USP13: variants seen among roughly 807,000 people sequenced by gnomAD.
USP13 encodes the protein ubiquitin specific peptidase 13.
Under a neutral mutation model 107.8 loss-of-function variants are expected in USP13, and 68 were observed. The observed-to-expected ratio is 0.63, with a 90% CI of 0.52 to 0.77. The LOEUF is 0.77. Ranked by LOEUF, USP13 falls within the 30% of genes least tolerant of loss-of-function variation. The pLI, the probability that USP13 is intolerant of heterozygous loss-of-function variation, is 0.00. For synonymous variants in USP13, 377 were observed against 389.5 expected (o/e 0.97, Z 0.38); for missense variants, 945 against 1,093.3 (o/e 0.86, Z 1.91).
In USP13 at chr3:179,657,418, A is replaced by G. The variant is rs540322198; in HGVS notation, c.168+4025A>G. Among the ~76,000 whole-genome samples the G allele has an allele frequency of 9.2e-5, 14 of 151,998 alleles. No individual in the cohort carries two copies. In the South Asian group the frequency reaches 1.7e-3, roughly 18 times the overall value. On this transcript the variant is annotated intron_variant, in intron 1 of 20. Coordinates refer to ENST00000263966, the MANE Select transcript of USP13 (RefSeq NM_003940.3). Reference sequence around the variant, plus strand: ...CAAAAAAATAAAATAAAATAAAAAAATTAAAAAGGAGGAAATAGAGAAGAA... The same window carrying G: ...CAAAAAAATAAAATAAAATAAAAAAGTTAAAAAGGAGGAAATAGAGAAGAA...
intron 10 of USP13, among the ~76,000 whole-genome samples, chr3:179,739,252 C>T (rs75614536): frequency 3.3e-5 from 5 of 152,188 alleles, no homozygotes; most frequent in Non-Finnish European, 5.9e-5. Flanking sequence ...TGGTCCCCCA[C>T]GAAATCCAGC....
intron 6 of USP13, among the ~76,000 whole-genome samples, chr3:179,711,642 C>T (rs556208483): frequency 2.0e-5 from 3 of 152,216 alleles, no homozygotes; most frequent in African/African-American, 4.8e-5. Context: ...TCAGGATCAT[C>T]GGTATCACTG....
chr3:179,688,234 C>CATCCATCCATCCATCCATCCATCT lies in USP13; in HGVS notation c.295-2002_295-2001insTCCATCCATCCATCCATCTATCCA, dbSNP rs780480797. Among the ~76,000 whole-genome samples, 207 of 145,970 alleles carry CATCCATCCATCCATCCATCCATCT rather than the reference C, an allele frequency of 1.4e-3. 3 individuals are homozygous for CATCCATCCATCCATCCATCCATCT. The highest frequency in any genetic ancestry group is 6.9e-3 in the Middle Eastern group (2 of 288). On this transcript the variant is annotated intron_variant, in intron 2 of 20. Transcript: ENST00000263966. ...CCATCCATCCATCCATCCATCCATC[C>CATCCATCCATCCATCCATCCATCT]ATCCAACAAATATTTACTCAGTAGC...
At chr3:179,730,575 C>A (rs1303833137) in intron 9 of USP13, 41 bp from the exon 10 acceptor site, 1 of 1,537,514 alleles carries the variant, frequency 6.5e-7, no homozygotes, top group Admixed American at 1.8e-5. Context: ...TATGGAAAAA[C>A]AACAATGACC....
chr3:179,703,688 G>A (rs1488654075), intron 4 of USP13, among the ~76,000 whole-genome samples: 14 of 152,162 alleles, frequency 9.2e-5, no homozygotes, highest in Admixed American at 7.2e-4. Context: ...TGACGTCACT[G>A]AATGCGGTGT....
chr3:179,773,279 A>G (rs1249407927), intron 19 of USP13, among the ~76,000 whole-genome samples: 1 of 152,202 alleles, frequency 6.6e-6, no homozygotes, highest in Non-Finnish European at 1.5e-5. Context: ...GAGATAGGCA[A>G]TGACACAAAT....
chr3:179,659,448 TG>T (rs913651745), intron 1 of USP13, among the ~76,000 whole-genome samples: 1 of 152,128 alleles, frequency 6.6e-6, no homozygotes, highest in African/African-American at 2.4e-5. Flanking sequence ...TCAGAAGATC[TG>T]GGGGTGGGGG....
At chr3:179,717,171 C>T (rs565300359) in intron 6 of USP13, among the ~76,000 whole-genome samples, 25 of 152,284 alleles carry the variant, frequency 1.6e-4, no homozygotes, top group African/African-American at 6.0e-4. Flanking sequence ...GCACTAAGAC[C>T]TGACTTTGCT....
chr3:179,696,898 A>T (rs1300656335), intron 3 of USP13, among the ~76,000 whole-genome samples: 5 of 152,166 alleles, frequency 3.3e-5, no homozygotes, highest in Admixed American at 2.0e-4. Flanking sequence ...ATATATATAT[A>T]TTTTACAATA....
At chr3:179,668,091 C>T (rs1576911254) in intron 1 of USP13, among the ~76,000 whole-genome samples, 1 of 152,178 alleles carries the variant, frequency 6.6e-6, no homozygotes, top group African/African-American at 2.4e-5. Context: ...CGTAGGAGTC[C>T]TCTGCAGAAA....
At chr3:179,747,355 T>G (rs948372489) in intron 13 of USP13, among the ~76,000 whole-genome samples, 19 of 152,278 alleles carry the variant, frequency 1.2e-4, no homozygotes, top group African/African-American at 4.6e-4. Flanking sequence ...TCTTTGTGCT[T>G]TTGTTGTGAT....
At chr3:179,683,537 C>T (rs1025751192) in intron 2 of USP13, among the ~76,000 whole-genome samples, 1 of 152,158 alleles carries the variant, frequency 6.6e-6, no homozygotes, top group Non-Finnish European at 1.5e-5. Flanking sequence ...TCACATCTTA[C>T]GTGGATGGTA....
chr3:179,721,112 C>T lies in USP13; in HGVS notation c.901-290C>T, dbSNP rs924486954. ...GTGTGAACCGCTGCGCCCGGCCTCTCTTTAAAATCTTTTTCATGTGTGTTT... is the reference window on the plus strand; with the variant it reads ...GTGTGAACCGCTGCGCCCGGCCTCTTTTTAAAATCTTTTTCATGTGTGTTT... On this transcript the variant is annotated intron_variant, in intron 7 of 20. Coordinates refer to ENST00000263966, the MANE Select transcript of USP13 (RefSeq NM_003940.3). The surrounding 1 kb of genome is among the most constrained non-coding windows in gnomAD (Gnocchi z 4.3). 6.5e-4 allele frequency among the ~76,000 whole-genome samples: 99 copies of T among 152,126 alleles called. No homozygotes were observed. Among genetic ancestry groups the T allele is most frequent in the African/African-American group, 2.3e-3 (95 of 41,524 alleles).
intron 3 of USP13, 130 bp from the exon 4 acceptor site, chr3:179,700,878 G>C (rs1576935286): frequency 2.6e-6 from 3 of 1,149,126 alleles, no homozygotes; most frequent in Admixed American, 2.8e-5. Context: ...TGTCAGAGGA[G>C]AAAGTTGTAA....
At chr3:179,655,546 A>G (rs1318953604) in intron 1 of USP13, among the ~76,000 whole-genome samples, 2 of 115,060 alleles carry the variant, frequency 1.7e-5, no homozygotes, top group Non-Finnish European at 3.4e-5. Flanking sequence ...GATAATGGGA[A>G]GGTTTTTTTT....
rs1576899241 is a variant in USP13 at position 179,653,246 on chromosome 3, G to C, written c.21G>C (p.Leu7=). Residue 7 remains leucine, a synonymous_variant, in exon 1 of 21, where the codon CTG becomes CTC. Transcript: ENST00000263966. The surrounding 1 kb of genome is among the most constrained non-coding windows in gnomAD (Gnocchi z 4.0). MQRRGA[L]FGMPGGSGGR... ...AGGCCATGCAGCGCCGGGGCGCCCT[G>C]TTCGGCATGCCGGGCGGCAGCGGAG... 6.4e-7 allele frequency: 1 copy of C among 1,554,068 alleles called. No individual in the cohort carries two copies. Among genetic ancestry groups the C allele is most frequent in the South Asian group, 1.2e-5 (1 of 84,332 alleles).
intron 1 of USP13, among the ~76,000 whole-genome samples, chr3:179,663,359 C>T (rs1720506615): frequency 1.3e-5 from 2 of 152,222 alleles, no homozygotes; most frequent in Admixed American, 1.3e-4. Flanking sequence ...TGTGTATATA[C>T]CGCATCTTGT....
intron 8 of USP13, among the ~76,000 whole-genome samples, chr3:179,727,517 A>G (rs1331108823): frequency 1.7e-5 from 2 of 116,508 alleles, no homozygotes; most frequent in African/African-American, 3.0e-5. Flanking sequence ...CCAAGGCAGA[A>G]GAATTTTTCT....
At chr3:179,665,107 A>C (rs1720550587) in intron 1 of USP13, among the ~76,000 whole-genome samples, 1 of 152,172 alleles carries the variant, frequency 6.6e-6, no homozygotes, top group Non-Finnish European at 1.5e-5. Flanking sequence ...AAAAAGATTA[A>C]AAAGGAAACA....
Sources: allele counts gnomAD v4.1 joint callset (sites outside exome capture counted in the v4.1 genomes callset), GRCh38; gene constraint gnomAD v4.1.1; non-coding constraint Gnocchi (gnomAD v3.1); transcripts MANE v1.5; gene names NCBI Gene and HGNC (gene_info 2026-07-23, HGNC 2026-07-21).